The following PUM1 variants were observed in gnomAD, a reference collection of about 807,000 sequenced individuals.
The protein encoded by PUM1 is pumilio RNA binding family member 1.
A neutral mutation model predicts 131.8 loss-of-function variants in PUM1; 13 were observed. The ratio of observed to expected loss-of-function variants is 0.10; its 90% confidence interval spans 0.06 to 0.16. The LOEUF is 0.16. PUM1 is among the 10% of genes least tolerant of loss of function. The pLI, the probability that PUM1 is intolerant of heterozygous loss-of-function variation, is 1.00. For missense variants in PUM1, 961 were observed against 1,512.4 expected, an observed-to-expected ratio of 0.64 and a Z score of 6.05; for synonymous variants, 509 against 556.5, an observed-to-expected ratio of 0.91 and a Z score of 1.20.
chr1:30,964,984 A>G, intron 13 of PUM1, 74 bp from the exon 14 acceptor site: 1 of 1,288,536 alleles, frequency 7.8e-7, no homozygotes, highest in East Asian at 2.3e-5. Context: ...ACCTGTTCCT[A>G]ACACTTTGAT....
intron 5 of PUM1, among the ~76,000 whole-genome samples, chr1:31,002,240 A>C (rs957059522): frequency 6.6e-6 from 1 of 152,244 alleles, no homozygotes; most frequent in African/African-American, 2.4e-5. Context: ...AAATGCAGTG[A>C]AACCTAGACA....
intron 21 of PUM1, among the ~76,000 whole-genome samples, chr1:30,933,981 C>T (rs1557539963): frequency 1.3e-5 from 2 of 152,188 alleles, no homozygotes; most frequent in African/African-American, 4.8e-5. Context: ...CAAAGGACAG[C>T]ACAGATAGCT....
chr1:31,048,753 C>T (rs184697644), intron 2 of PUM1, among the ~76,000 whole-genome samples: 53 of 152,172 alleles, frequency 3.5e-4, no homozygotes, highest in East Asian at 1.2e-3. Flanking sequence ...CGATTACAGG[C>T]TTGAGCCACC....
At chr1:31,022,776 T>A (rs1643075755) in intron 3 of PUM1, among the ~76,000 whole-genome samples, 1 of 152,220 alleles carries the variant, frequency 6.6e-6, no homozygotes, top group African/African-American at 2.4e-5. Context: ...TAGCTGTTTT[T>A]TCTAAAATAA....
At chr1:31,052,922 T>G (rs1266992305) in intron 2 of PUM1, among the ~76,000 whole-genome samples, 1 of 151,876 alleles carries the variant, frequency 6.6e-6, no homozygotes, top group East Asian at 1.9e-4. Context: ...CAGGTTAGTC[T>G]CGAACTCCTG....
At chr1:31,017,585 A>T (rs1433358718) in intron 3 of PUM1, among the ~76,000 whole-genome samples, 2 of 151,626 alleles carry the variant, frequency 1.3e-5, no homozygotes. Flanking sequence ...GTGGCCCAAG[A>T]TCACATTCTT....
intron 3 of PUM1, among the ~76,000 whole-genome samples, chr1:31,013,777 T>C (rs1642707524): frequency 6.6e-6 from 1 of 152,226 alleles, no homozygotes; most frequent in Admixed American, 6.5e-5. Flanking sequence ...GTAAAAATTT[T>C]GTATTTTTCA....
Position 30,998,169 on chromosome 1 carries a change from G to C in PUM1, c.721-2949C>G, listed in dbSNP as rs891377968. Among the ~76,000 whole-genome samples, 14 of 152,216 alleles carry C rather than the reference G, an allele frequency of 9.2e-5. 1 individual carries two copies. Among genetic ancestry groups the C allele is most frequent in the South Asian group, 2.1e-4 (1 of 4,818 alleles). ...GCAGAAATTCAAGACGAACATTTATGGCTCGTACACTTCTCTGAACATAGG... is the reference window on the plus strand; with the variant it reads ...GCAGAAATTCAAGACGAACATTTATCGCTCGTACACTTCTCTGAACATAGG... On this transcript the variant is annotated intron_variant, in intron 5 of 21. Transcript: ENST00000426105.
intron 5 of PUM1, 62 bp downstream of exon 5, chr1:31,005,791 A>AAGAGAGAGAGAGAGAGAG (rs57530886): frequency 1.7e-6 from 2 of 1,176,456 alleles, no homozygotes; most frequent in African/African-American, 3.2e-5. Flanking sequence ...AGGGGAAAAA[A>AAGAGAGAGAGAGAGAGAG]AGAGAGAGAG....
chr1:31,018,363 G>T (rs6425694), intron 3 of PUM1, among the ~76,000 whole-genome samples: 2 of 151,524 alleles, frequency 1.3e-5, no homozygotes, highest in Admixed American at 6.6e-5. Flanking sequence ...AAATAAAAAT[G>T]AAAAAAATTA....
At chr1:30,997,369 G>A (rs1642017553) in intron 5 of PUM1, among the ~76,000 whole-genome samples, 1 of 152,092 alleles carries the variant, frequency 6.6e-6, no homozygotes, top group Non-Finnish European at 1.5e-5. Context: ...AAATTAGGCA[G>A]CACCTGAAAT....
At chr1:30,985,091 C>T (rs1276635931) in intron 7 of PUM1, among the ~76,000 whole-genome samples, 2 of 152,158 alleles carry the variant, frequency 1.3e-5, no homozygotes, top group Non-Finnish European at 2.9e-5. Context: ...TCTGGCAAAT[C>T]GCTTAATCTC....
chr1:30,978,601 G>A (rs1233747368), intron 9 of PUM1, among the ~76,000 whole-genome samples: 2 of 152,142 alleles, frequency 1.3e-5, no homozygotes, highest in East Asian at 1.9e-4. Flanking sequence ...GTAAAATTTC[G>A]AAGTAATATT....
At chr1:31,055,442 G>A in intron 2 of PUM1, 2 of 456,082 alleles carry the variant, frequency 4.4e-6, no homozygotes, top group African/African-American at 4.0e-5. Flanking sequence ...CAGAAGGTGA[G>A]AACAACACTA....
At chr1:30,991,403 A>G (rs1440572243) in intron 7 of PUM1, among the ~76,000 whole-genome samples, 3 of 152,338 alleles carry the variant, frequency 2.0e-5, no homozygotes, top group South Asian at 2.1e-4. Flanking sequence ...GGGAAACTTC[A>G]TATGTTTAAC....
Position 30,967,181 on chromosome 1 carries a change from G to A in PUM1, c.1775C>T (p.Ser592Leu). Residue 592 changes from serine to leucine, a missense_variant, in exon 12 of 22, where the codon TCA (serine) becomes TTA (leucine). Physicochemically the swap from Ser to Leu is moderately radical, Grantham distance 145. Around this residue, in one of 4 missense-constraint regions of PUM1, gnomAD observed 654 missense variants for 923.9 expected, o/e 0.71. Transcript: ENST00000426105. ...TGTGCGCTCACCTGCTTGTGCAGCTGAGGAACTAATGATGACTGGGGCAGG... is the reference window on the plus strand; with the variant it reads ...TGTGCGCTCACCTGCTTGTGCAGCTAAGGAACTAATGATGACTGGGGCAGG... ...VAPAPVIISS[S>L]AAQAAVAAAA... 1 of 1,614,142 alleles carries A rather than the reference G, an allele frequency of 6.2e-7. No homozygotes were observed. Among genetic ancestry groups the A allele is most frequent in the Non-Finnish European group, 8.5e-7 (1 of 1,180,022 alleles).
At chr1:31,032,223 C>T (rs545911700) in intron 2 of PUM1, among the ~76,000 whole-genome samples, 1 of 152,328 alleles carries the variant, frequency 6.6e-6, no homozygotes, top group South Asian at 2.1e-4. Flanking sequence ...TGTACAGTCA[C>T]TGCCACAGGG....
intron 15 of PUM1, among the ~76,000 whole-genome samples, chr1:30,953,188 G>C (rs984299918): frequency 6.6e-6 from 1 of 152,122 alleles, no homozygotes; most frequent in Non-Finnish European, 1.5e-5. Flanking sequence ...AGCTTCTGTA[G>C]AAACTGTTTC....
chr1:30,988,330 C>T (rs910410196), intron 7 of PUM1, among the ~76,000 whole-genome samples: 12 of 152,196 alleles, frequency 7.9e-5, no homozygotes, highest in African/African-American at 2.7e-4. Context: ...TTGCAGGCTG[C>T]TCCATGTCAT....
Sources: allele counts gnomAD v4.1 joint callset (sites outside exome capture counted in the v4.1 genomes callset), GRCh38; gene constraint gnomAD v4.1.1; regional missense constraint gnomAD v4.1.1; transcripts MANE v1.5; gene names NCBI Gene and HGNC (gene_info 2026-07-23, HGNC 2026-07-21).